CFAP61: variants seen among roughly 807,000 people sequenced by gnomAD.
CFAP61 encodes cilia and flagella associated protein 61.
CFAP61 carries 107 observed loss-of-function variants against 135.6 expected under a neutral mutation model. The observed-to-expected ratio is 0.79, with a 90% CI of 0.67 to 0.93. CFAP61 has a LOEUF of 0.93. CFAP61 is among the 40% of genes least tolerant of loss of function. The pLI, the probability that CFAP61 is intolerant of heterozygous loss-of-function variation, is 0.00. For synonymous variants in CFAP61, 575 were observed against 578.5 expected (o/e 0.99, Z 0.09); for missense variants, 1,507 against 1,556.2 (o/e 0.97, Z 0.53).
chr20:20,074,037 C>T (rs1047701576), intron 3 of CFAP61: 27 of 473,004 alleles, frequency 5.7e-5, no homozygotes, highest in Admixed American at 4.9e-4. Flanking sequence ...TTCGTGAGGG[C>T]AGGAGGAAGG....
rs375845289 is a variant in CFAP61 at position 20,159,459 on chromosome 20, G to T, written c.1026+15G>T. ...GTGAACCGGAGGTAGGGTTTGACGA[G>T]GGCCTTTGCGTGCCTTCTAGCCACC... is the stretch of plus-strand genomic sequence containing the variant. On this transcript the variant is annotated intron_variant, in intron 10 of 26. Coordinates refer to ENST00000245957, the MANE Select transcript of CFAP61 (RefSeq NM_015585.4). 5.6e-6 allele frequency: 9 copies of T among 1,611,056 alleles called. No individual in the cohort carries two copies. The East Asian group carries it at 1.8e-4, about 32-fold the overall frequency.
intron 17 of CFAP61, chr20:20,220,272 G>A (rs1329632458): frequency 6.6e-6 from 1 of 152,278 alleles, no homozygotes; most frequent in East Asian, 1.9e-4. Flanking sequence ...GGAGGTGCTG[G>A]GAGGGTGGCA....
At chr20:20,232,390 A>AAAGAAG (rs146407925) in intron 18 of CFAP61, among the ~76,000 whole-genome samples, 2 of 151,882 alleles carry the variant, frequency 1.3e-5, no homozygotes, top group Admixed American at 1.3e-4. Flanking sequence ...TAGAAAAAAA[A>AAAGAAG]AAGAAGAAGA....
intron 17 of CFAP61, among the ~76,000 whole-genome samples, chr20:20,219,110 C>T (rs988534188): frequency 5.3e-5 from 8 of 152,194 alleles, no homozygotes; most frequent in Admixed American, 5.2e-4. Flanking sequence ...AAAGTAATAT[C>T]GAAATGACCA....
intron 14 of CFAP61, among the ~76,000 whole-genome samples, chr20:20,189,343 G>T (rs996134245): frequency 6.6e-6 from 1 of 152,088 alleles, no homozygotes; most frequent in African/African-American, 2.4e-5. Context: ...GTCAAGTCCT[G>T]GTTCTCAAAG....
intron 19 of CFAP61, 108 bp downstream of exon 19, chr20:20,246,323 G>C (rs2050454462): frequency 3.9e-6 from 3 of 778,096 alleles, no homozygotes; most frequent in Non-Finnish European, 6.7e-6. Context: ...AGAAGTGGTG[G>C]GGCTTTTCTA....
chr20:20,196,212 C>T (rs2056275067), intron 15 of CFAP61, among the ~76,000 whole-genome samples: 1 of 152,234 alleles, frequency 6.6e-6, no homozygotes, highest in South Asian at 2.1e-4. Flanking sequence ...GGCTCCGTCT[C>T]TTGTGCTGAC....
At chr20:20,303,180 G>T (rs1433929446) in intron 25 of CFAP61, among the ~76,000 whole-genome samples, 1 of 152,148 alleles carries the variant, frequency 6.6e-6, no homozygotes, top group Non-Finnish European at 1.5e-5. Context: ...GATATGCTAA[G>T]ACTTTCCGGA....
intron 17 of CFAP61, among the ~76,000 whole-genome samples, chr20:20,219,610 A>G (rs1014805431): frequency 4.6e-5 from 7 of 152,176 alleles, no homozygotes. Flanking sequence ...GATGCCCCAT[A>G]CATTCTCCAA....
At chr20:20,322,213 C>T (rs1248074027) in intron 25 of CFAP61, among the ~76,000 whole-genome samples, 1 of 151,974 alleles carries the variant, frequency 6.6e-6, no homozygotes, top group Non-Finnish European at 1.5e-5. Flanking sequence ...CCCCTGTCAT[C>T]ATGGAGCAGA....
intron 18 of CFAP61, among the ~76,000 whole-genome samples, chr20:20,238,897 G>A (rs1313545815): frequency 6.6e-6 from 1 of 151,948 alleles, no homozygotes; most frequent in African/African-American, 2.4e-5. Context: ...GGAATTATTT[G>A]CTGTGAAAAT....
chr20:20,337,372 G>GGATA (rs1569310647), intron 25 of CFAP61, among the ~76,000 whole-genome samples: 1 of 6,076 alleles, frequency 1.6e-4, no homozygotes, highest in Non-Finnish European at 1.1e-3. Context: ...ATGGATGGAT[G>GGATA]GATGGATGGA....
intron 8 of CFAP61, among the ~76,000 whole-genome samples, chr20:20,128,349 C>A (rs775831859): frequency 3.2e-4 from 48 of 151,756 alleles, no homozygotes; most frequent in Non-Finnish European, 5.0e-4. Flanking sequence ...CAGCGAGTTC[C>A]CAGGGCCTTT....
chr20:20,113,905 T>C (rs2048960827), intron 8 of CFAP61, among the ~76,000 whole-genome samples: 1 of 151,682 alleles, frequency 6.6e-6, no homozygotes, highest in Non-Finnish European at 1.5e-5. Context: ...TTCCACCTTG[T>C]TTTTTAAGAT....
intron 20 of CFAP61, among the ~76,000 whole-genome samples, chr20:20,254,437 C>T (rs1490605012): frequency 2.0e-5 from 3 of 151,944 alleles, no homozygotes; most frequent in Non-Finnish European, 2.9e-5. Flanking sequence ...AGCCAGCTGC[C>T]CAGAGCCTCG....
At chr20:20,323,582 A>G (rs1464791085) in intron 25 of CFAP61, among the ~76,000 whole-genome samples, 1 of 152,254 alleles carries the variant, frequency 6.6e-6, no homozygotes, top group Non-Finnish European at 1.5e-5. Flanking sequence ...TGGAATGCAC[A>G]GAGCCAGTAT....
chr20:20,210,415 T>G (rs544520461), intron 17 of CFAP61, among the ~76,000 whole-genome samples: 57 of 152,362 alleles, frequency 3.7e-4, no homozygotes, highest in African/African-American at 1.0e-3. Context: ...TCAAAAAACC[T>G]TCTTGCAACC....
chr20:20,360,350 T>G lies in CFAP61; in HGVS notation c.3654T>G (p.Leu1218=). 1 of 1,613,910 alleles carries G rather than the reference T, an allele frequency of 6.2e-7. No homozygotes were observed. The highest frequency in any genetic ancestry group is 8.5e-7 in the Non-Finnish European group (1 of 1,180,036). ...IYKTLVERST[L]DYLHYNRYHL... ...AAACCCTGGTGGAGAGAAGCACTCT[T>G]GACTACCTGCACTATAACCGCTACC... Residue 1218 remains leucine, a synonymous_variant, in exon 27 of 27, where the codon CTT becomes CTG. Transcript: ENST00000245957.
intron 11 of CFAP61, among the ~76,000 whole-genome samples, chr20:20,165,019 C>A (rs901626598): frequency 1.3e-5 from 2 of 152,210 alleles, no homozygotes. Context: ...TTATCTCCCA[C>A]AGGGTCCCTC....
Sources: allele counts gnomAD v4.1 joint callset (sites outside exome capture counted in the v4.1 genomes callset), GRCh38; gene constraint gnomAD v4.1.1; transcripts MANE v1.5; gene names NCBI Gene and HGNC (gene_info 2026-07-23, HGNC 2026-07-21).